ARHGEF28: variants seen among roughly 807,000 people sequenced by gnomAD.
ARHGEF28 encodes the protein 190 kDa guanine nucleotide exchange factor.
ARHGEF28 carries 152 observed loss-of-function variants against 206.6 expected under a neutral mutation model. That is an observed-to-expected ratio of 0.74 (90% CI 0.64 to 0.84). ARHGEF28 has a LOEUF of 0.84. Among genes scored for constraint, ARHGEF28 ranks in the 40% least tolerant of loss-of-function variants. The pLI is 0.00. For missense variants in ARHGEF28, 2,028 were observed against 2,073.2 expected, an observed-to-expected ratio of 0.98 and a Z score of 0.42; for synonymous variants, 763 against 776.4, an observed-to-expected ratio of 0.98 and a Z score of 0.29.
intron 24 of ARHGEF28, among the ~76,000 whole-genome samples, chr5:73,884,902 T>C (rs1239805808): frequency 6.6e-6 from 1 of 152,190 alleles, no homozygotes; most frequent in East Asian, 1.9e-4. Context: ...GGTATGAGCA[T>C]GGCTGATTTG....
At chr5:73,720,447 A>G (rs1341801623) in intron 2 of ARHGEF28, among the ~76,000 whole-genome samples, 2 of 152,162 alleles carry the variant, frequency 1.3e-5, no homozygotes, top group Non-Finnish European at 2.9e-5. Flanking sequence ...GAGAGAGGTC[A>G]GGAGAGATTG....
chr5:73,892,902 A>G (rs748274132), intron 27 of ARHGEF28, among the ~76,000 whole-genome samples: 17 of 152,080 alleles, frequency 1.1e-4, no homozygotes, highest in Non-Finnish European at 2.1e-4. Context: ...TCTATCCTTT[A>G]CAATTCTTAT....
intron 12 of ARHGEF28, among the ~76,000 whole-genome samples, chr5:73,847,314 C>T (rs980264846): frequency 6.6e-6 from 1 of 152,128 alleles, no homozygotes; most frequent in Non-Finnish European, 1.5e-5. Flanking sequence ...CATAACTCAC[C>T]TATTACATAA....
At chr5:73,733,705 A>C (rs985642229) in intron 2 of ARHGEF28, among the ~76,000 whole-genome samples, 1 of 152,236 alleles carries the variant, frequency 6.6e-6, no homozygotes, top group Non-Finnish European at 1.5e-5. Context: ...TTACAGCAAT[A>C]ATTCATTAAG....
intron 1 of ARHGEF28, among the ~76,000 whole-genome samples, chr5:73,678,045 A>G (rs1006450960): frequency 6.6e-6 from 1 of 152,264 alleles, no homozygotes; most frequent in Non-Finnish European, 1.5e-5. Flanking sequence ...GAAAGGAGGC[A>G]CAGCATGGTT....
intron 2 of ARHGEF28, among the ~76,000 whole-genome samples, chr5:73,741,381 GTGTGTATATATA>G (rs1751401629): frequency 7.5e-5 from 2 of 26,720 alleles, no homozygotes; most frequent in South Asian, 1.3e-3. Flanking sequence ...GTGTGTGTGT[GTGTGTATATATA>G]TATATATATA....
At chr5:73,744,973 C>G (rs1470268304) in intron 2 of ARHGEF28, among the ~76,000 whole-genome samples, 1 of 151,958 alleles carries the variant, frequency 6.6e-6, no homozygotes, top group African/African-American at 2.4e-5. Flanking sequence ...TTATGTTTTG[C>G]TAATAATTTT....
At chr5:73,869,931 T>A in intron 20 of ARHGEF28, 138 bp from the exon 21 acceptor site, 2 of 956,636 alleles carry the variant, frequency 2.1e-6, no homozygotes, top group Non-Finnish European at 3.0e-6. Context: ...TTTCACTCCA[T>A]GTTAATATGT....
At chr5:73,861,285 T>G (rs1383667599) in intron 16 of ARHGEF28, among the ~76,000 whole-genome samples, 1 of 149,922 alleles carries the variant, frequency 6.7e-6, no homozygotes, top group East Asian at 1.9e-4. Flanking sequence ...GTGATGGAAA[T>G]TGCTGAAAAT....
chr5:73,717,346 G>A (rs955531605), intron 2 of ARHGEF28, among the ~76,000 whole-genome samples: 3 of 152,050 alleles, frequency 2.0e-5, no homozygotes, highest in East Asian at 1.9e-4. Context: ...TTATTAAATT[G>A]TTCATGTCAG....
chr5:73,805,649 G>A (rs111305005), intron 9 of ARHGEF28, among the ~76,000 whole-genome samples: 53 of 152,272 alleles, frequency 3.5e-4, no homozygotes, highest in South Asian at 1.7e-3. Flanking sequence ...CAGATAAGCA[G>A]GGGGAAGAGG....
intron 2 of ARHGEF28, among the ~76,000 whole-genome samples, chr5:73,733,512 G>T (rs936783853): frequency 6.6e-6 from 1 of 152,110 alleles, no homozygotes; most frequent in Non-Finnish European, 1.5e-5. Context: ...ATGTGGGAGG[G>T]TCTGTTAGTA....
chr5:73,826,591 G>C (rs924570145), intron 9 of ARHGEF28, among the ~76,000 whole-genome samples: 1 of 152,182 alleles, frequency 6.6e-6, no homozygotes, highest in African/African-American at 2.4e-5. Context: ...AAGGCTCTTA[G>C]CTTCTTAAGG....
At chr5:73,716,624 A>G (rs2112320302) in intron 2 of ARHGEF28, among the ~76,000 whole-genome samples, 1 of 152,230 alleles carries the variant, frequency 6.6e-6, no homozygotes, top group Admixed American at 6.5e-5. Flanking sequence ...TGGATACACC[A>G]CTTATGTCAC....
rs1156790615 is a variant in ARHGEF28 at position 73,909,716 on chromosome 5, G to A, written c.4466G>A (p.Ser1489Asn). The A allele has an allele frequency of 3.9e-6, 6 of 1,522,626 alleles. No individual in the cohort carries two copies. The highest frequency in any genetic ancestry group is 5.3e-6 in the Non-Finnish European group (6 of 1,134,226). 94.3% of individuals were successfully genotyped at this position (1,522,626 alleles called of 1,614,324 possible). The part of the protein sequence containing the change: ...CQSQEELLLR[S>N]RGELDLQLQE... ...TCGCAGGAGGAGCTGCTGCTGCGGAGCCGGGGCGAGCTGGACCTCCAGCTC... is the reference window on the plus strand; with the variant it reads ...TCGCAGGAGGAGCTGCTGCTGCGGAACCGGGGCGAGCTGGACCTCCAGCTC... Residue 1489 changes from serine to asparagine, a missense_variant, in exon 34 of 36, where the codon AGC (serine) becomes AAC (asparagine). Around this residue, in one of 3 missense-constraint regions of ARHGEF28, gnomAD observed 803 missense variants for 768.0 expected, o/e 1.05. Coordinates refer to ENST00000513042, the MANE Select transcript of ARHGEF28 (RefSeq NM_001177693.2).
In ARHGEF28 at chr5:73,846,273, G is replaced by A; in HGVS notation, c.1433G>A (p.Ser478Asn). The change falls in exon 12 of 36, where the codon AGC (serine) becomes AAC (asparagine). Residue 478 changes from serine to asparagine, a missense_variant. By Grantham distance (46) the Ser-to-Asn change is conservative (BLOSUM62 1). Around this residue, in one of 3 missense-constraint regions of ARHGEF28, gnomAD observed 1,002 missense variants for 1,015.3 expected, o/e 0.99. Transcript: ENST00000513042. ...EQSHLKKRSSSLDALDADSEG... is the reference protein window; with the variant it reads ...EQSHLKKRSSNLDALDADSEG... ...TTGCTGGCTTTGTGCTTTAGTTCTA[G>A]CCTTGATGCCTTGGACGCCGACAGT... 1 of 1,612,876 alleles carries A rather than the reference G, an allele frequency of 6.2e-7. No homozygotes were observed. The highest frequency in any genetic ancestry group is 8.5e-7 in the Non-Finnish European group (1 of 1,179,546).
intron 4 of ARHGEF28, among the ~76,000 whole-genome samples, chr5:73,768,544 T>C (rs191574061): frequency 6.6e-6 from 1 of 152,260 alleles, no homozygotes; most frequent in East Asian, 1.9e-4. Context: ...GTAGCCTCTT[T>C]GTTTTGGCCA....
chr5:73,789,621 A>G (rs1168503692), intron 7 of ARHGEF28, among the ~76,000 whole-genome samples: 1 of 152,220 alleles, frequency 6.6e-6, no homozygotes, highest in Non-Finnish European at 1.5e-5. Context: ...GTATATACCA[A>G]CATTTAATGG....
intron 29 of ARHGEF28, among the ~76,000 whole-genome samples, chr5:73,894,950 G>A (rs1317788368): frequency 6.6e-6 from 1 of 152,136 alleles, no homozygotes; most frequent in Non-Finnish European, 1.5e-5. Flanking sequence ...CCGGCACAAA[G>A]GTCCTGGTGC....
Sources: gnomAD v4.1 joint callset for allele counts (sites outside exome capture counted in the v4.1 genomes callset) on GRCh38, gnomAD v4.1.1 for gene constraint, gnomAD v4.1.1 regional missense constraint, MANE v1.5 for transcripts, NCBI Gene and HGNC (gene_info 2026-07-23, HGNC 2026-07-21) for gene names.